Variants in CFAP95 observed in about 807,000 individuals in gnomAD.
CFAP95 encodes the protein cilia and flagella associated protein 95.
chr9:69,879,534 A>G, the CFAP95 span, among the ~76,000 whole-genome samples: 1 of 152,156 alleles, frequency 6.6e-6, no homozygotes, highest in Admixed American at 6.5e-5. Flanking sequence ...GTAATGGATA[A>G]ATATGCATAT....
chr9:69,883,821 T>TA, the CFAP95 span, among the ~76,000 whole-genome samples: 5 of 37,268 alleles, frequency 1.3e-4, no homozygotes, highest in Non-Finnish European at 2.3e-4. Flanking sequence ...GTTTATTTTT[T>TA]TAAAAAAAAA....
chr9:69,859,907 C>A, the CFAP95 span, among the ~76,000 whole-genome samples: 2 of 151,992 alleles, frequency 1.3e-5, no homozygotes, highest in Non-Finnish European at 2.9e-5. Flanking sequence ...CTAAACATAT[C>A]TAAACATAAA....
At chr9:69,837,764 T>C in the CFAP95 span, among the ~76,000 whole-genome samples, 4 of 152,236 alleles carry the variant, frequency 2.6e-5, no homozygotes, top group African/African-American at 9.6e-5. Context: ...TTTTGGCTTT[T>C]GCTGCCATTG....
chr9:69,890,970 T>C, the CFAP95 span, among the ~76,000 whole-genome samples: 1 of 152,156 alleles, frequency 6.6e-6, no homozygotes, highest in Admixed American at 6.6e-5. Context: ...ACTTCTCCTC[T>C]TAAACTGGAT....
the CFAP95 span, among the ~76,000 whole-genome samples, chr9:69,880,608 CTG>C: frequency 1.3e-5 from 2 of 152,206 alleles, no homozygotes; most frequent in Admixed American, 1.3e-4. Flanking sequence ...GTGAACAGTG[CTG>C]CAACAAACTT....
chr9:69,905,709 T>C, the CFAP95 span, among the ~76,000 whole-genome samples: 20,199 of 152,148 alleles, frequency 0.13, 1,837 homozygotes, highest in African/African-American at 0.26. Flanking sequence ...AAATTTTACA[T>C]GTGTGGTAAC....
the CFAP95 span, among the ~76,000 whole-genome samples, chr9:69,831,923 A>G: frequency 6.6e-6 from 1 of 152,206 alleles, no homozygotes; most frequent in East Asian, 1.9e-4. Flanking sequence ...ACATTTATCC[A>G]TCTATCTATA....
chr9:69,829,430 C>A, the CFAP95 span, among the ~76,000 whole-genome samples: 1 of 152,112 alleles, frequency 6.6e-6, no homozygotes, highest in African/African-American at 2.4e-5. Flanking sequence ...AAAATAAAAT[C>A]GTTTTACATG....
chr9:69,883,719 A>G, the CFAP95 span, among the ~76,000 whole-genome samples: 1 of 151,838 alleles, frequency 6.6e-6, no homozygotes, highest in South Asian at 2.1e-4. Context: ...TTTCTGCCCT[A>G]TCAGTTGTAA....
the CFAP95 span, among the ~76,000 whole-genome samples, chr9:69,904,931 CAGAT>C: frequency 6.6e-6 from 1 of 152,162 alleles, no homozygotes; most frequent in Non-Finnish European, 1.5e-5. Context: ...GTTTTATAGT[CAGAT>C]AGATCTAATC....
At chr9:69,831,965 AG>A in the CFAP95 span, among the ~76,000 whole-genome samples, 1 of 152,234 alleles carries the variant, frequency 6.6e-6, no homozygotes, top group Non-Finnish European at 1.5e-5. Flanking sequence ...ATAAACTATA[AG>A]AACAGCCAGA....
the CFAP95 span, among the ~76,000 whole-genome samples, chr9:69,902,084 T>A: frequency 6.6e-6 from 1 of 152,172 alleles, no homozygotes; most frequent in African/African-American, 2.4e-5. Context: ...TACAAAGAGA[T>A]CCTATGTATT....
At chr9:69,841,053 T>C in the CFAP95 span, among the ~76,000 whole-genome samples, 1 of 151,130 alleles carries the variant, frequency 6.6e-6, no homozygotes, top group Non-Finnish European at 1.5e-5. Context: ...ACATACTGAC[T>C]TTCACAGACC....
chr9:69,876,013 A>G, the CFAP95 span, among the ~76,000 whole-genome samples: 3 of 152,196 alleles, frequency 2.0e-5, no homozygotes, highest in African/African-American at 7.2e-5. Context: ...ACCAATTCGC[A>G]ATAACATTTT....
At chr9:69,843,927 T>C in the CFAP95 span, among the ~76,000 whole-genome samples, 1 of 151,934 alleles carries the variant, frequency 6.6e-6, no homozygotes, top group Non-Finnish European at 1.5e-5. Flanking sequence ...TGTGTTACTG[T>C]TCCCTGCCTC....
the CFAP95 span, among the ~76,000 whole-genome samples, chr9:69,851,454 C>T: frequency 1.3e-5 from 2 of 152,166 alleles, no homozygotes; most frequent in Non-Finnish European, 2.9e-5. Context: ...CCTCCAGCTA[C>T]AGCCTGCTCT....
the CFAP95 span, chr9:69,902,220 C>T: frequency 2.4e-6 from 1 of 414,926 alleles, no homozygotes; most frequent in South Asian, 1.8e-5. Flanking sequence ...TTCCCTTCCC[C>T]TTTGTTTTTT....
chr9:69,897,530 A>G, the CFAP95 span, among the ~76,000 whole-genome samples: 5 of 152,216 alleles, frequency 3.3e-5, no homozygotes, highest in Non-Finnish European at 7.3e-5. Flanking sequence ...TGAAAAATAA[A>G]ACTATCAGAA....
At chr9:69,872,808 T>C in the CFAP95 span, among the ~76,000 whole-genome samples, 4 of 152,102 alleles carry the variant, frequency 2.6e-5, no homozygotes, top group East Asian at 5.8e-4. Context: ...TTGAATCACC[T>C]GTTCTGTGAA....
Sources: allele counts gnomAD v4.1 joint callset (sites outside exome capture counted in the v4.1 genomes callset), GRCh38; gene constraint gnomAD v4.1.1; transcripts MANE v1.5; gene names NCBI Gene and HGNC (gene_info 2026-07-23, HGNC 2026-07-21).